Variants in ZC3H12B observed in about 807,000 individuals in gnomAD.
ZC3H12B encodes the protein zinc finger CCCH-type containing 12B.
In ZC3H12B, 7 loss-of-function variants were observed where a neutral mutation model predicts 43.9. The observed-to-expected ratio is 0.16, with a 90% confidence interval of 0.09 to 0.30. The LOEUF is 0.30. Ranked by LOEUF, ZC3H12B falls within the 10% of genes least tolerant of loss-of-function variation. The pLI is 1.00. For missense variants in ZC3H12B, 475 were observed against 670.2 expected, an observed-to-expected ratio of 0.71 and a Z score of 3.22; for synonymous variants, 222 against 241.7, an observed-to-expected ratio of 0.92 and a Z score of 0.76.
At chrX:65,291,874 G>A in the ZC3H12B span, among the ~76,000 whole-genome samples, 24 of 111,834 alleles carry the variant, frequency 2.1e-4, no homozygotes, top group South Asian at 7.3e-4. Context: ...CATTACCTGC[G>A]TTAATTTCAG....
chrX:65,350,184 G>A, the ZC3H12B span, among the ~76,000 whole-genome samples: 2 of 111,879 alleles, frequency 1.8e-5, no homozygotes, highest in Non-Finnish European at 3.8e-5. Flanking sequence ...TCATCCCTGG[G>A]ATGCAAGGCT....
At chrX:65,043,950 G>T in the ZC3H12B span, among the ~76,000 whole-genome samples, 289 of 111,733 alleles carry the variant, frequency 2.6e-3, no homozygotes, top group African/African-American at 8.5e-3. Context: ...TTTATTGAGC[G>T]TTGCTACATG....
chrX:65,050,434 A>G, the ZC3H12B span, among the ~76,000 whole-genome samples: 1 of 110,471 alleles, frequency 9.1e-6, no homozygotes, highest in Non-Finnish European at 1.9e-5. Context: ...TTCCAATGCT[A>G]TGTTGAATAG....
chrX:65,185,537 T>C, the ZC3H12B span: 1 of 111,826 alleles, frequency 8.9e-6, no homozygotes, highest in South Asian at 3.7e-4. Flanking sequence ...TCCTAAAACC[T>C]TTATGAGCTA....
At chrX:65,250,276 T>C in the ZC3H12B span, among the ~76,000 whole-genome samples, 1 of 111,968 alleles carries the variant, frequency 8.9e-6, no homozygotes, top group Non-Finnish European at 1.9e-5. Context: ...TCATCCTTTT[T>C]TATGGCTGCA....
chrX:65,326,086 A>G, the ZC3H12B span, among the ~76,000 whole-genome samples: 1 of 111,749 alleles, frequency 8.9e-6, no homozygotes, highest in Non-Finnish European at 1.9e-5. Flanking sequence ...ACCTGAAACT[A>G]CAAAACCCAT....
chrX:65,328,195 G>T, the ZC3H12B span: 4 of 231,194 alleles, frequency 1.7e-5, no homozygotes, highest in Middle Eastern at 1.3e-3. Flanking sequence ...TATACACTTG[G>T]AACATGGCTG....
intron 3 of ZC3H12B, among the ~76,000 whole-genome samples, chrX:65,454,986 A>G (rs2067585795): frequency 8.9e-6 from 1 of 112,007 alleles, no homozygotes. Flanking sequence ...GTACATTACC[A>G]TCATCAAAGA....
chrX:65,228,210 G>T, the ZC3H12B span, among the ~76,000 whole-genome samples: 2 of 111,753 alleles, frequency 1.8e-5, no homozygotes, highest in Non-Finnish European at 3.8e-5. Flanking sequence ...TCATCCCTGG[G>T]ATGCAAGGCT....
chrX:65,494,179 G>GT (rs1025780547), intron 1 of ZC3H12B, among the ~76,000 whole-genome samples: 1 of 110,363 alleles, frequency 9.1e-6, no homozygotes, highest in South Asian at 3.9e-4. Flanking sequence ...GGATTTTGGA[G>GT]TTTTTTTTCT....
At chrX:65,373,961 T>TATATATA in intron 2 of ZC3H12B, among the ~76,000 whole-genome samples, 1 of 51,100 alleles carries the variant, frequency 2.0e-5, no homozygotes, top group African/African-American at 2.0e-4. Context: ...ATATATATAC[T>TATATATA]GTATATATAG....
chrX:65,174,899 G>C, the ZC3H12B span, among the ~76,000 whole-genome samples: 2 of 108,739 alleles, frequency 1.8e-5, no homozygotes, highest in Non-Finnish European at 3.8e-5. Flanking sequence ...TATTGCGGGG[G>C]TTCCAGGTGC....
chrX:65,376,514 T>G (rs1270564550), intron 2 of ZC3H12B, among the ~76,000 whole-genome samples: 2 of 111,619 alleles, frequency 1.8e-5, no homozygotes, highest in African/African-American at 6.5e-5. Context: ...ACATATCCAG[T>G]GGTGGTACTC....
the ZC3H12B span, among the ~76,000 whole-genome samples, chrX:65,054,766 G>A: frequency 2.4e-4 from 27 of 111,323 alleles, no homozygotes; most frequent in African/African-American, 8.8e-4. Flanking sequence ...ATTTCATTGA[G>A]CAGTGGTTAG....
the ZC3H12B span, among the ~76,000 whole-genome samples, chrX:65,225,210 C>T: frequency 1.7e-4 from 19 of 112,069 alleles, no homozygotes; most frequent in Admixed American, 5.7e-4. Context: ...GCAGCATTCG[C>T]GGTTCACGAA....
chrX:65,152,172 A>C, the ZC3H12B span, among the ~76,000 whole-genome samples: 11 of 111,734 alleles, frequency 9.8e-5, no homozygotes, highest in Non-Finnish European at 7.5e-5. Flanking sequence ...AAACTGGCAC[A>C]AGACAGGGAT....
the ZC3H12B span, among the ~76,000 whole-genome samples, chrX:65,151,981 C>A: frequency 8.9e-6 from 1 of 111,893 alleles, no homozygotes; most frequent in East Asian, 2.8e-4. Context: ...TGACAAAAAA[C>A]ACATGATTAT....
the ZC3H12B span, among the ~76,000 whole-genome samples, chrX:65,086,043 T>G: frequency 9.7e-6 from 1 of 102,703 alleles, no homozygotes; most frequent in African/African-American, 4.1e-5. Context: ...GTGCTAATAA[T>G]GTCTTTTTTT....
chrX:65,476,988 A>ATTTTTTTTTTT (rs3065468), intron 3 of ZC3H12B, among the ~76,000 whole-genome samples: 1 of 90,738 alleles, frequency 1.1e-5, no homozygotes, highest in African/African-American at 4.5e-5. Flanking sequence ...CTCCTGACTA[A>ATTTTTTTTTTT]TTTTTTTTTT....
Sources: allele counts gnomAD v4.1 joint callset (sites outside exome capture counted in the v4.1 genomes callset), GRCh38; gene constraint gnomAD v4.1.1; transcripts MANE v1.5; gene names NCBI Gene and HGNC (gene_info 2026-07-23, HGNC 2026-07-21).